Variants in IGSF21 observed in about 807,000 individuals in gnomAD.
The protein encoded by IGSF21 is immunoglobulin superfamily member 21.
IGSF21 carries 28 observed loss-of-function variants against 46.8 expected under a neutral mutation model. The observed-to-expected ratio is 0.60, with a 90% CI of 0.44 to 0.82. IGSF21 has a LOEUF of 0.82. Ranked by LOEUF, IGSF21 falls within the 40% of genes least tolerant of loss-of-function variation. IGSF21 has a pLI of 0.00. For missense variants in IGSF21, 624 were observed against 665.5 expected, an observed-to-expected ratio of 0.94 and a Z score of 0.69; for synonymous variants, 284 against 273.6, an observed-to-expected ratio of 1.04 and a Z score of -0.38.
chr1:18,367,884 G>A (rs1288892146), intron 6 of IGSF21, among the ~76,000 whole-genome samples: 5 of 151,800 alleles, frequency 3.3e-5, no homozygotes, highest in Admixed American at 1.3e-4. Context: ...GGTTACAGAC[G>A]TGAGCCACCG....
At chr1:18,194,971 G>A (rs1270089866) in intron 1 of IGSF21, among the ~76,000 whole-genome samples, 3 of 152,226 alleles carry the variant, frequency 2.0e-5, no homozygotes, top group Non-Finnish European at 4.4e-5. Context: ...AAAAGACCTT[G>A]TGCAGGGGAA....
At chr1:18,191,386 T>C (rs1192208725) in intron 1 of IGSF21, among the ~76,000 whole-genome samples, 1 of 152,160 alleles carries the variant, frequency 6.6e-6, no homozygotes, top group African/African-American at 2.4e-5. Context: ...AGCCTGCATG[T>C]GGATTACACA....
chr1:18,124,510 C>T (rs1016155084), intron 1 of IGSF21, among the ~76,000 whole-genome samples: 4 of 152,162 alleles, frequency 2.6e-5, no homozygotes, highest in South Asian at 4.1e-4. Flanking sequence ...TGCAGAAATC[C>T]CTTCCAACTT....
At chr1:18,183,799 G>A (rs116125975) in intron 1 of IGSF21, among the ~76,000 whole-genome samples, 10 of 152,226 alleles carry the variant, frequency 6.6e-5, no homozygotes, top group Non-Finnish European at 1.3e-4. Context: ...CTCGGGTGGC[G>A]GGTGGTGCGG....
At chr1:18,354,080 AGTAGCAATGAGTAT>A (rs1244943825) in intron 4 of IGSF21, among the ~76,000 whole-genome samples, 1 of 152,240 alleles carries the variant, frequency 6.6e-6, no homozygotes, top group East Asian at 1.9e-4. Context: ...CAGAATAACA[AGTAGCAATGAGTAT>A]GAAAAGCACA....
chr1:18,176,396 T>C (rs1366374745), intron 1 of IGSF21, among the ~76,000 whole-genome samples: 2 of 152,316 alleles, frequency 1.3e-5, no homozygotes, highest in East Asian at 1.9e-4. Context: ...TGAATTCCAG[T>C]CTGGTCTCCC....
chr1:18,319,500 G>T (rs1221389586), intron 3 of IGSF21, among the ~76,000 whole-genome samples: 2 of 151,820 alleles, frequency 1.3e-5, no homozygotes, highest in East Asian at 1.9e-4. Context: ...CTTTACACAG[G>T]CTGTAAGCCC....
intron 2 of IGSF21, among the ~76,000 whole-genome samples, chr1:18,261,360 C>A (rs1469604997): frequency 1.3e-5 from 2 of 152,160 alleles, no homozygotes; most frequent in Admixed American, 6.5e-5. Flanking sequence ...GATGCTGGAC[C>A]AAACTGAGGA....
chr1:18,185,060 T>G (rs1158027652), intron 1 of IGSF21, among the ~76,000 whole-genome samples: 1 of 152,198 alleles, frequency 6.6e-6, no homozygotes, highest in Non-Finnish European at 1.5e-5. Flanking sequence ...TTGGTTGTTG[T>G]AAGTCATAAT....
At chr1:18,117,692 AG>A (rs1467314363) in intron 1 of IGSF21, among the ~76,000 whole-genome samples, 5 of 152,170 alleles carry the variant, frequency 3.3e-5, no homozygotes, top group Non-Finnish European at 7.4e-5. Flanking sequence ...CCAGGTTTGA[AG>A]GGAAAGAAGT....
At chr1:18,202,354 G>T (rs1033190) in intron 1 of IGSF21, among the ~76,000 whole-genome samples, 28,228 of 152,134 alleles carry the variant, frequency 0.19, 2,735 homozygotes, top group Non-Finnish European at 0.2. Context: ...CTTTCCTTGG[G>T]TTACCACCTT....
chr1:18,198,907 C>T (rs937112221), intron 1 of IGSF21, among the ~76,000 whole-genome samples: 1 of 152,074 alleles, frequency 6.6e-6, no homozygotes. Context: ...CTCCCCTGCC[C>T]CCTCTGCCCA....
chr1:18,278,151 C>G (rs552944643), intron 2 of IGSF21, among the ~76,000 whole-genome samples: 1 of 151,716 alleles, frequency 6.6e-6, no homozygotes, highest in Non-Finnish European at 1.5e-5. Context: ...GTGGCTGCAT[C>G]GAGAGGGATG....
At chr1:18,227,791 C>T (rs1055818239) in intron 1 of IGSF21, 107 bp from the exon 2 acceptor site, 17 of 769,802 alleles carry the variant, frequency 2.2e-5, no homozygotes, top group Non-Finnish European at 3.2e-5. Context: ...CAACTACAGA[C>T]CCCAAACTTC....
intron 4 of IGSF21, among the ~76,000 whole-genome samples, chr1:18,338,617 G>T (rs2085796347): frequency 6.6e-6 from 1 of 152,164 alleles, no homozygotes; most frequent in African/African-American, 2.4e-5. Flanking sequence ...TCCACATCCA[G>T]CACATTCTAA....
At chr1:18,356,034 C>T (rs2086014752) in intron 4 of IGSF21, among the ~76,000 whole-genome samples, 1 of 152,026 alleles carries the variant, frequency 6.6e-6, no homozygotes, top group Non-Finnish European at 1.5e-5. Flanking sequence ...ACGGTTTCTC[C>T]ATGTTGGCCA....
At chr1:18,194,764 C>A (rs1026323672) in intron 1 of IGSF21, among the ~76,000 whole-genome samples, 2 of 152,194 alleles carry the variant, frequency 1.3e-5, no homozygotes, top group Non-Finnish European at 2.9e-5. Context: ...CACTAGTCAA[C>A]CCAGGAGACC....
At chr1:18,280,143 C>T (rs1029654685) in intron 2 of IGSF21, among the ~76,000 whole-genome samples, 1 of 152,110 alleles carries the variant, frequency 6.6e-6, no homozygotes, top group Admixed American at 6.5e-5. Context: ...ATGGGGAGAC[C>T]TTGTAGGGGG....
At chr1:18,210,263 C>G (rs981081127) in intron 1 of IGSF21, among the ~76,000 whole-genome samples, 1 of 152,174 alleles carries the variant, frequency 6.6e-6, no homozygotes, top group African/African-American at 2.4e-5. Context: ...GGATCCCCCC[C>G]AGACACTCTC....
Sources: allele counts gnomAD v4.1 joint callset (sites outside exome capture counted in the v4.1 genomes callset), GRCh38; gene constraint gnomAD v4.1.1; transcripts MANE v1.5; gene names NCBI Gene and HGNC (gene_info 2026-07-23, HGNC 2026-07-21).